C12orf76: variants seen among roughly 807,000 people sequenced by gnomAD.
C12orf76 encodes chromosome 12 open reading frame 76, also known as uncharacterized protein C12orf76.
C12orf76 carries 6 observed loss-of-function variants against 6.8 expected under a neutral mutation model. That is an observed-to-expected ratio of 0.88 (90% CI 0.48 to 1.73). The LOEUF (loss-of-function observed/expected upper bound fraction) is 1.73. Ranked by LOEUF, C12orf76 falls within the 40% of genes most tolerant of loss-of-function variation. The probability of loss-of-function intolerance (pLI) is 0.01; values close to 1 mark genes in which losing one functional copy is unlikely to be tolerated. For missense variants in C12orf76, 99 were observed against 98.2 expected (o/e 1.01, Z -0.03); for synonymous variants, 56 against 43.7 (o/e 1.28, Z -1.11).
intron 1 of C12orf76, among the ~76,000 whole-genome samples, chr12:110,073,247 G>A (rs1311673454): frequency 1.3e-5 from 2 of 152,166 alleles, no homozygotes; most frequent in African/African-American, 4.8e-5. Flanking sequence ...CTGCAGCCTG[G>A]CACCATTTCC....
intron 1 of C12orf76, among the ~76,000 whole-genome samples, chr12:110,043,178 C>CA (rs1486555407): frequency 6.6e-6 from 1 of 152,090 alleles, no homozygotes; most frequent in African/African-American, 2.4e-5. Flanking sequence ...AGTATAAGCC[C>CA]AATACACTCA....
exon 1 of C12orf76, chr12:110,067,511 T>G: frequency 1.0e-6 from 1 of 985,350 alleles, no homozygotes; most frequent in Non-Finnish European, 1.2e-6. Context: ...CCTTTTCCCA[T>G]TTTGTCTGGT....
chr12:110,044,428 C>G (rs1460376380), intron 1 of C12orf76: 1 of 153,100 alleles, frequency 6.5e-6, no homozygotes, highest in East Asian at 1.9e-4. Context: ...ACCTGTAATC[C>G]CAGCTACTCA....
Position 110,042,335 on chromosome 12 carries a change from T to C in C12orf76, c.*39A>G, listed in dbSNP as rs747693711. On this transcript the variant is annotated 3_prime_UTR_variant, in exon 2 of 2. Transcript: ENST00000615315. ...ACTGGCCTGTGTGCAACACAACTTA[T>C]CCTATTCCCAAATACTCATTGAAGA... is the stretch of plus-strand genomic sequence containing the variant. The C allele has an allele frequency of 3.8e-6, 6 of 1,567,686 alleles. No individual in the cohort carries two copies. Among genetic ancestry groups the C allele is most frequent in the Non-Finnish European group, 5.3e-6 (6 of 1,138,234 alleles).
intron 2 of C12orf76, among the ~76,000 whole-genome samples, chr12:110,059,749 C>T (rs886274344): frequency 6.6e-6 from 1 of 152,088 alleles, no homozygotes; most frequent in Non-Finnish European, 1.5e-5. Flanking sequence ...AGGGTCTGGT[C>T]GCCAGGCTGA....
At chr12:110,071,523 A>G (rs1161302307), upstream of C12orf76, among the ~76,000 whole-genome samples, 2 of 151,600 alleles carry the variant, frequency 1.3e-5, no homozygotes, top group East Asian at 3.9e-4. Context: ...TTTTTTGTTT[A>G]ATTGTCACAA....
At chr12:110,065,406 G>A (rs1892842441) in intron 2 of C12orf76, among the ~76,000 whole-genome samples, 1 of 152,010 alleles carries the variant, frequency 6.6e-6, no homozygotes, top group South Asian at 2.1e-4. Flanking sequence ...CTTGACCTCA[G>A]GTGATCTGCC....
chr12:110,057,736 G>A (rs1892694653), intron 3 of C12orf76, among the ~76,000 whole-genome samples: 1 of 152,092 alleles, frequency 6.6e-6, no homozygotes, highest in African/African-American at 2.4e-5. Flanking sequence ...CAGTCTAACA[G>A]GGTAAAAATC....
chr12:110,068,224 AAGGAGAAG>A (rs1242546243), upstream of C12orf76, among the ~76,000 whole-genome samples: 1 of 149,104 alleles, frequency 6.7e-6, no homozygotes, highest in East Asian at 2.0e-4. Flanking sequence ...GAAGAAGGAG[AAGGAGAAG>A]AGAAGAAGAA....
chr12:110,069,943 A>G (rs991020782), upstream of C12orf76, among the ~76,000 whole-genome samples: 5 of 152,260 alleles, frequency 3.3e-5, no homozygotes, highest in African/African-American at 1.2e-4. Flanking sequence ...TTATATATAC[A>G]ATGATCTGCT....
intron 2 of C12orf76, chr12:110,059,304 C>A: frequency 9.5e-7 from 1 of 1,051,136 alleles, no homozygotes; most frequent in South Asian, 1.9e-5. Context: ...TGGGATTGTG[C>A]CATCTGTGAT....
rs1197654938 is a variant in C12orf76 at position 110,048,214 on chromosome 12, G to A, written c.133+149C>T. 3.9e-6 allele frequency: 4 copies of A among 1,019,058 alleles called. No homozygotes were observed. The Admixed American group carries it at 1.2e-4, about 31-fold the overall frequency. 63.1% of individuals were successfully genotyped at this position (1,019,058 alleles called of 1,614,324 possible). On this transcript the variant is annotated intron_variant, in intron 1 of 1. Coordinates refer to ENST00000615315, the MANE Select transcript of C12orf76 (RefSeq NM_001389625.1). Reference sequence around the variant, plus strand: ...CCAGGCTTTTGGAGAGGGAGTCTCGGGGCCCCCTGAGGGGCCTCACCTGCA... The same window carrying A: ...CCAGGCTTTTGGAGAGGGAGTCTCGAGGCCCCCTGAGGGGCCTCACCTGCA...
upstream of C12orf76, chr12:110,051,433 AT>A (rs987650215): frequency 0.14 from 50,606 of 365,894 alleles, 2 homozygotes; most frequent in South Asian, 0.2. Flanking sequence ...CCCCAATCTC[AT>A]TTTTTTTTTT....
At chr12:110,058,020 C>T (rs1325011317) in intron 3 of C12orf76, among the ~76,000 whole-genome samples, 4 of 139,720 alleles carry the variant, frequency 2.9e-5, no homozygotes, top group South Asian at 2.2e-4. Flanking sequence ...GCCAAGATCA[C>T]GCCATTGCAA....
chr12:110,063,741 C>T (rs1892815831), intron 2 of C12orf76, among the ~76,000 whole-genome samples: 1 of 151,778 alleles, frequency 6.6e-6, no homozygotes, highest in African/African-American at 2.4e-5. Context: ...GATTCTCCAG[C>T]CTCAGGCTCC....
intron 2 of C12orf76, among the ~76,000 whole-genome samples, chr12:110,065,692 C>T (rs1204954505): frequency 6.6e-6 from 1 of 152,176 alleles, no homozygotes; most frequent in African/African-American, 2.4e-5. Context: ...TCTGGTCCCA[C>T]CACACTCTAT....
chr12:110,066,490 C>T (rs1328924732), intron 1 of C12orf76, among the ~76,000 whole-genome samples: 1 of 150,364 alleles, frequency 6.7e-6, no homozygotes, highest in Non-Finnish European at 1.5e-5. Flanking sequence ...GAGTTTGAGA[C>T]CAGCCTGACC....
upstream of C12orf76, among the ~76,000 whole-genome samples, chr12:110,068,253 G>GAAGAAGAAGAAGAAGAAGAAA (rs1892903550): frequency 2.3e-5 from 1 of 43,154 alleles, no homozygotes; most frequent in African/African-American, 9.8e-5. Context: ...GAAGAAAGAA[G>GAAGAAGAAGAAGAAGAAGAAA]AAGAAGAAGA....
At chr12:110,052,191 C>T (rs961007634), upstream of C12orf76, among the ~76,000 whole-genome samples, 9 of 149,656 alleles carry the variant, frequency 6.0e-5, no homozygotes, top group South Asian at 2.1e-4. Context: ...CCACCGTGCC[C>T]GGCCTTCTTT....
Sources: allele counts gnomAD v4.1 joint callset (sites outside exome capture counted in the v4.1 genomes callset), GRCh38; gene constraint gnomAD v4.1.1; transcripts MANE v1.5; gene names NCBI Gene and HGNC (gene_info 2026-07-23, HGNC 2026-07-21).